The following SNX1 variants were observed in gnomAD, a reference collection of about 807,000 sequenced individuals.
The protein encoded by SNX1 is sorting nexin-1.
In SNX1, 36 loss-of-function variants were observed where a neutral mutation model predicts 71.8. The observed-to-expected ratio is 0.50, with a 90% CI of 0.38 to 0.66. SNX1 has a LOEUF of 0.66. Among genes scored for constraint, SNX1 ranks in the 30% least tolerant of loss-of-function variants. The probability of loss-of-function intolerance (pLI) is 0.00; values close to 1 mark genes in which losing one functional copy is unlikely to be tolerated. For missense variants in SNX1, 612 were observed against 646.7 expected (o/e 0.95, Z 0.58); for synonymous variants, 254 against 240.7 (o/e 1.06, Z -0.51).
At chr15:64,112,753 C>CA in intron 2 of SNX1, 69 bp downstream of exon 2, 2 of 793,568 alleles carry the variant, frequency 2.5e-6, no homozygotes, top group Non-Finnish European at 3.8e-6. Context: ...GAGTTAAAGT[C>CA]AAAACCAAAA....
Position 64,099,024 on chromosome 15 carries a change from T to G in SNX1, c.159+2852T>G, listed in dbSNP as rs145308832. Among the ~76,000 whole-genome samples, 1,437 of 152,320 alleles carry G rather than the reference T, an allele frequency of 9.4e-3. 22 individuals carry two copies. The highest frequency in any genetic ancestry group is 0.033 in the African/African-American group (1,378 of 41,566). ...AGAGAGCTCGCTAGTTTAACTGTCT[T>G]GTTAAACAGCCATAAAGAACAAATT... is the stretch of plus-strand genomic sequence containing the variant. On this transcript the variant is annotated intron_variant, in intron 1 of 14. Transcript: ENST00000559844.
rs138725192 is a variant in SNX1, at chr15:64,112,640, G to C, written c.227G>C (p.Gly76Ala). ...ATCAACAATGGCTCCAAAGAAAATG[G>C]GATCCATGAAGAACAAGACCAAGAG... ...LPINNGSKEN[G>A]IHEEQDQEPQ... Residue 76 changes from glycine (G) to alanine (A), a missense_variant, in exon 2 of 15, where the codon GGG becomes GCG. By Grantham distance (60) the Gly-to-Ala change is moderately conservative (BLOSUM62 0). Coordinates refer to ENST00000559844, the MANE Select transcript of SNX1 (RefSeq NM_003099.5). The C allele has an allele frequency of 1.2e-6, 2 of 1,613,254 alleles. No individual in the cohort carries two copies. Among genetic ancestry groups the C allele is most frequent in the African/African-American group, 2.7e-5 (2 of 74,826 alleles).
chr15:64,126,715 G>T (rs1295401629), intron 6 of SNX1, among the ~76,000 whole-genome samples: 1 of 152,138 alleles, frequency 6.6e-6, no homozygotes, highest in Non-Finnish European at 1.5e-5. Flanking sequence ...GCTTAGCTGG[G>T]ACTACAGGTG....
intron 1 of SNX1, among the ~76,000 whole-genome samples, chr15:64,104,656 AG>A (rs1242232269): frequency 3.3e-5 from 5 of 149,698 alleles, no homozygotes; most frequent in African/African-American, 1.2e-4. Flanking sequence ...AGGCCAAGGC[AG>A]GTAGATCACC....
At chr15:64,100,311 G>A (rs571710851) in intron 1 of SNX1, among the ~76,000 whole-genome samples, 2 of 152,224 alleles carry the variant, frequency 1.3e-5, no homozygotes, top group East Asian at 3.9e-4. Context: ...ACTTAAATGG[G>A]AGAGAATTGG....
rs2081420872 is a variant in SNX1, at chr15:64,142,205, G to A, written c.*4587G>A. On this transcript the variant is annotated 3_prime_UTR_variant, in exon 15 of 15. Transcript: ENST00000559844. ...ATAAAAACAACTAGCTGGGTGTGTG[G>A]TGGTGCATGCCTGTAGGCCCAGCTA... The A allele has an allele frequency of 1.3e-5, 2 of 158,106 alleles. No individual in the cohort carries two copies. Among genetic ancestry groups the A allele is most frequent in the African/African-American group, 4.8e-5 (2 of 41,484 alleles). 9.8% of individuals were successfully genotyped at this position (158,106 alleles called of 1,614,324 possible). A position where few individuals can be genotyped will look rare whatever the true frequency, so the allele number is the denominator to read the frequency against.
chr15:64,102,096 T>A (rs1203327722), intron 1 of SNX1, among the ~76,000 whole-genome samples: 4 of 152,310 alleles, frequency 2.6e-5, no homozygotes, highest in Middle Eastern at 3.4e-3. Flanking sequence ...CCAAGTTTTT[T>A]AAAAAGTTTC....
At chr15:64,133,478 C>T (rs887702696) in intron 11 of SNX1, among the ~76,000 whole-genome samples, 5 of 152,146 alleles carry the variant, frequency 3.3e-5, no homozygotes, top group Non-Finnish European at 7.4e-5. Flanking sequence ...GCCTGTAATC[C>T]CAGCACTTTG....
chr15:64,126,567 G>A (rs2081255365), intron 6 of SNX1, among the ~76,000 whole-genome samples: 1 of 151,792 alleles, frequency 6.6e-6, no homozygotes, highest in Non-Finnish European at 1.5e-5. Context: ...TGTTTGGTTG[G>A]TTTTTTGGTT....
In SNX1 at chr15:64,115,324, G is replaced by C. The variant is rs2081117916; in HGVS notation, c.271+2640G>C. On this transcript the variant is annotated intron_variant, in intron 2 of 14. Coordinates refer to ENST00000559844, the MANE Select transcript of SNX1 (RefSeq NM_003099.5). ...CTCTAGAATGGAAAGTCTACAATGA[G>C]ACACTTAGTTTAGGACTTCAGTAGC... 2.0e-5 allele frequency among the ~76,000 whole-genome samples: 3 copies of C among 152,210 alleles called. No homozygotes were observed. The South Asian group carries it at 6.2e-4, about 31-fold the overall frequency.
intron 4 of SNX1, among the ~76,000 whole-genome samples, chr15:64,122,460 G>C (rs751373601): frequency 6.6e-6 from 1 of 152,106 alleles, no homozygotes; most frequent in South Asian, 2.1e-4. Context: ...CTGTATTCCT[G>C]TGTAATCTTC....
intron 5 of SNX1, among the ~76,000 whole-genome samples, chr15:64,125,549 G>T (rs2081242182): frequency 2.6e-5 from 4 of 151,734 alleles, no homozygotes; most frequent in Admixed American, 2.6e-4. Context: ...GGAGGCTGAG[G>T]TGGGAGGATC....
At chr15:64,120,329 TGGTATGATCACAG>T (rs2081184229) in intron 4 of SNX1, among the ~76,000 whole-genome samples, 1 of 136,650 alleles carries the variant, frequency 7.3e-6, no homozygotes, top group Non-Finnish European at 1.5e-5. Flanking sequence ...TGGAGTGCAG[TGGTATGATCACAG>T]CTCACTGCAG....
At position 64,141,686 on chromosome 15, in the gene SNX1, G is replaced by A. The variant is rs2081415973; in HGVS notation, c.*4068G>A. The stretch of plus-strand genomic sequence containing the variant: ...AACGAGCAGGAGCCACATCACATGG[G>A]TGTCTGATAGGACCTGGGAGGCGCT... On this transcript the variant is annotated 3_prime_UTR_variant, in exon 15 of 15. Transcript: ENST00000559844. The surrounding 1 kb of genome is among the most constrained non-coding windows in gnomAD (Gnocchi z 5.1). 1 of 152,364 alleles carries A rather than the reference G, an allele frequency of 6.6e-6. No homozygotes were observed. The highest frequency in any genetic ancestry group is 2.1e-4 in the South Asian group (1 of 4,838). The allele number at this position is 152,364 out of a possible 1,614,324, so 9.4% of individuals were successfully genotyped here.
chr15:64,130,944 G>GGA (rs1310784432), intron 10 of SNX1, among the ~76,000 whole-genome samples: 14 of 152,126 alleles, frequency 9.2e-5, no homozygotes, highest in African/African-American at 3.1e-4. Flanking sequence ...ATGAATGAGG[G>GGA]GAGAAAAGAA....
At chr15:64,100,604 CAAAAA>C (rs34663775) in intron 1 of SNX1, among the ~76,000 whole-genome samples, 2 of 102,586 alleles carry the variant, frequency 1.9e-5, no homozygotes, top group Non-Finnish European at 3.5e-5. Context: ...AACTCCATCT[CAAAAA>C]AAAAAAAAAA....
In SNX1 at chr15:64,136,079, C is replaced by G. The variant is rs114644282; in HGVS notation, c.1366-251C>G. 4.1e-3 allele frequency among the ~76,000 whole-genome samples: 620 copies of G among 152,290 alleles called. 6 individuals are homozygous for G. Among genetic ancestry groups the G allele is most frequent in the African/African-American group, 0.014 (584 of 41,554 alleles). On this transcript the variant is annotated intron_variant, in intron 12 of 14. Transcript: ENST00000559844. ...CTGGAGGCTGCTGGCATGTCAGAGCCTTCTTGAAGGACCACACTTGGTCCC... is the reference window on the plus strand; with the variant it reads ...CTGGAGGCTGCTGGCATGTCAGAGCGTTCTTGAAGGACCACACTTGGTCCC...
rs944273350 is a variant in SNX1 at position 64,118,973 on chromosome 15, A to C, written c.466+119A>C. On this transcript the variant is annotated intron_variant, in intron 4 of 14. Coordinates refer to ENST00000559844, the MANE Select transcript of SNX1 (RefSeq NM_003099.5). ...AGCCAATGTGAAGTACTTCATTAGT[A>C]TCTTTTCTGTAAAAGTAGACCCCTT... The C allele has an allele frequency of 5.6e-5, 39 of 690,834 alleles. No individual in the cohort carries two copies. In the South Asian group the frequency reaches 6.9e-4, roughly 12 times the overall value. The allele number at this position is 690,834 out of a possible 1,614,324, so 42.8% of individuals were successfully genotyped here.
At chr15:64,115,753 A>C (rs1177415467) in intron 2 of SNX1, 1 of 163,842 alleles carries the variant, frequency 6.1e-6, no homozygotes, top group African/African-American at 2.4e-5. Flanking sequence ...GTTTGGTTTT[A>C]TTTTTTGTAG....
Sources: allele counts gnomAD v4.1 joint callset (sites outside exome capture counted in the v4.1 genomes callset), GRCh38; gene constraint gnomAD v4.1.1; non-coding constraint Gnocchi (gnomAD v3.1); transcripts MANE v1.5; gene names NCBI Gene and HGNC (gene_info 2026-07-23, HGNC 2026-07-21).